Variants in SLC38A6 observed in about 807,000 individuals in gnomAD.
The protein encoded by SLC38A6 is N system amino acid transporter NAT-1.
In SLC38A6, 73 loss-of-function variants were observed where a neutral mutation model predicts 65.0. That is an observed-to-expected ratio of 1.12 (90% CI 0.93 to 1.37). The LOEUF (loss-of-function observed/expected upper bound fraction) is 1.37, where lower values mean the gene tolerates loss of function less well. SLC38A6 is among the 40% of genes most tolerant of loss of function. SLC38A6 has a pLI of 0.00. For synonymous variants in SLC38A6, 183 were observed against 178.8 expected (o/e 1.02, Z -0.19); for missense variants, 561 against 531.1 (o/e 1.06, Z -0.55).
chr14:61,037,515 C>G, intron 7 of SLC38A6, 110 bp from the exon 8 acceptor site: 1 of 712,748 alleles, frequency 1.4e-6, no homozygotes. Context: ...AGCCCTAAGC[C>G]CCAGATACCA....
At chr14:61,082,988 G>A (rs2043716595) in intron 16 of SLC38A6, among the ~76,000 whole-genome samples, 1 of 152,170 alleles carries the variant, frequency 6.6e-6, no homozygotes, top group South Asian at 2.1e-4. Flanking sequence ...AAAAAACCAG[G>A]CAATCAAATG....
chr14:61,054,181 C>G (rs572597596), downstream of SLC38A6, among the ~76,000 whole-genome samples: 6 of 151,946 alleles, frequency 3.9e-5, no homozygotes, highest in Non-Finnish European at 8.8e-5. Flanking sequence ...ATCAGATGGT[C>G]ATAGGTGTGT....
chr14:61,077,984 C>A (rs1334407885), intron 15 of SLC38A6, among the ~76,000 whole-genome samples: 1 of 152,238 alleles, frequency 6.6e-6, no homozygotes, highest in African/African-American at 2.4e-5. Flanking sequence ...CTGATTTTCC[C>A]TGTCACAAAG....
chr14:61,079,133 CTTT>C (rs34713691), intron 16 of SLC38A6, among the ~76,000 whole-genome samples: 10 of 93,898 alleles, frequency 1.1e-4, no homozygotes, highest in African/African-American at 4.7e-4. Flanking sequence ...TGCCTCCAAA[CTTT>C]TTTTTTTTTT....
chr14:61,064,785 G>A (rs2139931112), intron 15 of SLC38A6, among the ~76,000 whole-genome samples: 1 of 151,708 alleles, frequency 6.6e-6, no homozygotes, highest in African/African-American at 2.4e-5. Flanking sequence ...ACTAAGTAAA[G>A]CAGAAAATAT....
At chr14:60,995,527 TAC>T (rs2038225023) in intron 3 of SLC38A6, among the ~76,000 whole-genome samples, 1 of 152,168 alleles carries the variant, frequency 6.6e-6, no homozygotes, top group Admixed American at 6.5e-5. Flanking sequence ...AGAGCTAATG[TAC>T]AGCATGATGA....
rs1046927485 is a variant in SLC38A6 at position 61,083,531 on chromosome 14, T to C, written c.1409-24T>C. On this transcript the variant is annotated intron_variant, in intron 16 of 16. Coordinates refer to the SLC38A6 transcript ENST00000354886. ...GAGGCCATTAAGCCCTAATTCAATG[T>C]GACTGGTGTTCTTGTAAGAAAAGGA... 10 of 1,545,874 alleles carry C rather than the reference T, an allele frequency of 6.5e-6. No individual in the cohort carries two copies. The African/African-American group carries it at 6.9e-5, about 11-fold the overall frequency.
chr14:61,000,487 C>T lies in SLC38A6; in HGVS notation c.311-15417C>T, dbSNP rs183624198. Among the ~76,000 whole-genome samples, 258 of 152,234 alleles carry T rather than the reference C, an allele frequency of 1.7e-3. 1 individual carries two copies. Among genetic ancestry groups the T allele is most frequent in the African/African-American group, 5.4e-3 (225 of 41,538 alleles). ...TCTACTAAAACTACAAAAAATTAGC[C>T]GGGCGTGATGGCGGGCGCCTGTAAT... is the stretch of plus-strand genomic sequence containing the variant. On this transcript the variant is annotated intron_variant, in intron 3 of 15. Transcript: ENST00000267488.
chr14:61,038,514 G>T (rs1456866375), intron 8 of SLC38A6, among the ~76,000 whole-genome samples: 3 of 152,080 alleles, frequency 2.0e-5, no homozygotes, highest in Admixed American at 1.3e-4. Context: ...TCATAAGCTT[G>T]GTTCAACTCT....
At chr14:61,029,155 CTTTTTTTT>C (rs111427405) in intron 5 of SLC38A6, among the ~76,000 whole-genome samples, 2 of 130,344 alleles carry the variant, frequency 1.5e-5, no homozygotes, top group African/African-American at 5.6e-5. Context: ...ACTCTTTATT[CTTTTTTTT>C]TTTTTTTTTT....
chr14:61,057,927 T>C (rs1359575640), intron 15 of SLC38A6, among the ~76,000 whole-genome samples: 2 of 137,486 alleles, frequency 1.5e-5, no homozygotes, highest in African/African-American at 5.5e-5. Context: ...TGTAGTATTC[T>C]CTCATGGTAG....
intron 4 of SLC38A6, among the ~76,000 whole-genome samples, chr14:61,018,440 G>A (rs140431923): frequency 2.0e-5 from 3 of 152,182 alleles, no homozygotes; most frequent in Non-Finnish European, 2.9e-5. Flanking sequence ...AAACCTCAAG[G>A]CTCCTAGGTC....
intron 12 of SLC38A6, among the ~76,000 whole-genome samples, chr14:61,048,986 T>C (rs2042337824): frequency 6.6e-6 from 1 of 152,192 alleles, no homozygotes; most frequent in African/African-American, 2.4e-5. Flanking sequence ...GTCTCCTACT[T>C]AGTCCAAATC....
At chr14:61,022,104 T>C (rs1382030237) in intron 5 of SLC38A6, among the ~76,000 whole-genome samples, 6 of 152,170 alleles carry the variant, frequency 3.9e-5, no homozygotes, top group African/African-American at 1.4e-4. Context: ...ATTTGGCACA[T>C]TGGGAGGCAT....
At chr14:61,050,311 GT>G (rs950024801) in intron 12 of SLC38A6, among the ~76,000 whole-genome samples, 200 bp from the exon 13 acceptor site, 3 of 151,988 alleles carry the variant, frequency 2.0e-5, no homozygotes, top group Admixed American at 2.0e-4. Flanking sequence ...GCTTATTCTG[GT>G]TTTTATTAAA....
intron 15 of SLC38A6, among the ~76,000 whole-genome samples, chr14:61,067,771 G>T (rs1408140290): frequency 6.6e-6 from 1 of 151,926 alleles, no homozygotes; most frequent in Non-Finnish European, 1.5e-5. Flanking sequence ...ATATGTATCT[G>T]TTATCTATGT....
At chr14:61,077,774 T>A (rs1303638939) in intron 15 of SLC38A6, among the ~76,000 whole-genome samples, 1 of 152,100 alleles carries the variant, frequency 6.6e-6, no homozygotes, top group Non-Finnish European at 1.5e-5. Context: ...CTCAATTTTT[T>A]TTTCTACTCA....
At chr14:61,014,351 A>G (rs1352906527) in intron 3 of SLC38A6, among the ~76,000 whole-genome samples, 1 of 151,968 alleles carries the variant, frequency 6.6e-6, no homozygotes, top group Non-Finnish European at 1.5e-5. Flanking sequence ...AGCTTGGAGT[A>G]GTTTGATCTT....
At position 61,030,535 on chromosome 14, in the gene SLC38A6, T is replaced by G. The variant is rs2040912755; in HGVS notation, c.482+12T>G. 1.3e-6 allele frequency: 2 copies of G among 1,556,934 alleles called. No homozygotes were observed. The highest frequency in any genetic ancestry group is 2.7e-5 in the African/African-American group (2 of 73,310). On this transcript the variant is annotated intron_variant, in intron 6 of 15. Transcript: ENST00000267488. The stretch of plus-strand genomic sequence containing the variant: ...GGAGACTATAGTAGGTAAGAAAAAG[T>G]ATTTTACATTGTGTCCGTTCATGTA...
Sources: allele counts gnomAD v4.1 joint callset (sites outside exome capture counted in the v4.1 genomes callset), GRCh38; gene constraint gnomAD v4.1.1; transcripts MANE v1.5; gene names NCBI Gene and HGNC (gene_info 2026-07-23, HGNC 2026-07-21).